KAT6A: variants seen among roughly 807,000 people sequenced by gnomAD.
The protein encoded by KAT6A is lysine acetyltransferase 6A.
Under a neutral mutation model 198.4 loss-of-function variants are expected in KAT6A, and 9 were observed. The observed-to-expected ratio is 0.05, with a 90% CI of 0.03 to 0.08. The LOEUF (loss-of-function observed/expected upper bound fraction) is 0.08, where lower values mean the gene tolerates loss of function less well. Ranked by LOEUF, KAT6A falls within the 10% of genes least tolerant of loss-of-function variation. The pLI is 1.00. For synonymous variants in KAT6A, 890 were observed against 883.0 expected (o/e 1.01, Z -0.14); for missense variants, 2,077 against 2,509.9 (o/e 0.83, Z 3.69).
chr8:41,943,143 GT>G (rs1480812119), intron 13 of KAT6A, 143 bp from the exon 14 acceptor site: 1 of 1,082,414 alleles, frequency 9.2e-7, no homozygotes, highest in Non-Finnish European at 1.3e-6. Context: ...ATGCAGAAAT[GT>G]GCCACCACAT....
intron 9 of KAT6A, among the ~76,000 whole-genome samples, chr8:41,952,581 TATAATC>T (rs1296285773): frequency 6.6e-6 from 1 of 152,218 alleles, no homozygotes; most frequent in Non-Finnish European, 1.5e-5. Flanking sequence ...TTCCGTAAAG[TATAATC>T]CCACTTCCCA....
intron 7 of KAT6A, among the ~76,000 whole-genome samples, chr8:41,976,452 T>C (rs1302411399): frequency 6.6e-6 from 1 of 152,234 alleles, no homozygotes; most frequent in Non-Finnish European, 1.5e-5. Flanking sequence ...TTAGGGAACT[T>C]AGCCTGATAC....
chr8:41,933,009 C>T lies in KAT6A; in HGVS notation c.5211G>A (p.Gly1737=), dbSNP rs754012944. The change falls in exon 17 of 17, where the codon GGG becomes GGA. Residue 1737 remains glycine, a synonymous_variant. Transcript: ENST00000265713. The surrounding 1 kb of genome is among the most constrained non-coding windows in gnomAD (Gnocchi z 6.2). The part of the protein sequence containing the change: ...GNISIYERIP[G]DFGAGSYSQP... ...GAGAGTAGCTGCCGGCACCAAAATC[C>T]CCTGGAATCCTCTCATAGATACTTA... The T allele has an allele frequency of 4.6e-5, 75 of 1,613,998 alleles. No homozygotes were observed. The highest frequency in any genetic ancestry group is 5.7e-5 in the Non-Finnish European group (67 of 1,180,024).
chr8:41,980,281 A>G (rs143105254), intron 5 of KAT6A, among the ~76,000 whole-genome samples: 2 of 152,312 alleles, frequency 1.3e-5, no homozygotes, highest in African/African-American at 4.8e-5. Context: ...ATGAACAGGA[A>G]TCAAAAGAAA....
At chr8:41,963,401 T>C (rs1367728079) in intron 8 of KAT6A, among the ~76,000 whole-genome samples, 1 of 152,200 alleles carries the variant, frequency 6.6e-6, no homozygotes, top group African/African-American at 2.4e-5. Context: ...TCTTTTCCTA[T>C]ATTCCTACAT....
intron 2 of KAT6A, among the ~76,000 whole-genome samples, chr8:42,034,150 G>A (rs1437539393): frequency 1.3e-5 from 2 of 152,154 alleles, no homozygotes; most frequent in Non-Finnish European, 2.9e-5. Context: ...GAAAAATATA[G>A]GGGCAAGGGA....
intron 9 of KAT6A, among the ~76,000 whole-genome samples, 182 bp from the exon 10 acceptor site, chr8:41,949,545 CTT>C (rs562251710): frequency 2.5e-4 from 38 of 152,068 alleles, no homozygotes; most frequent in African/African-American, 8.9e-4. Flanking sequence ...ATTACTGTAT[CTT>C]GTCTCATATT....
intron 2 of KAT6A, among the ~76,000 whole-genome samples, chr8:42,031,969 G>A (rs1385650879): frequency 8.0e-5 from 12 of 149,510 alleles, no homozygotes; most frequent in East Asian, 3.9e-4. Flanking sequence ...TCACTCTATC[G>A]CCCAGGCTAG....
intron 16 of KAT6A, 66 bp downstream of exon 16, chr8:41,937,190 C>G: frequency 8.0e-7 from 1 of 1,255,834 alleles, no homozygotes; most frequent in Non-Finnish European, 1.1e-6. Context: ...ACTGAAGGGT[C>G]TGTCACTGCT....
intron 2 of KAT6A, among the ~76,000 whole-genome samples, chr8:42,027,470 GTGTT>G (rs1826877680): frequency 6.6e-6 from 1 of 152,076 alleles, no homozygotes; most frequent in African/African-American, 2.4e-5. Flanking sequence ...TGATTCAATT[GTGTT>G]ACTCATTATT....
intron 1 of KAT6A, among the ~76,000 whole-genome samples, chr8:42,051,266 G>A (rs1166622819): frequency 1.3e-5 from 2 of 151,564 alleles, no homozygotes; most frequent in South Asian, 2.1e-4. Context: ...CTCGGCGGCT[G>A]GGCTGACAGC....
intron 8 of KAT6A, among the ~76,000 whole-genome samples, chr8:41,968,376 G>T (rs1392336386): frequency 6.6e-6 from 1 of 152,196 alleles, no homozygotes; most frequent in Admixed American, 6.5e-5. Flanking sequence ...ATGAAAAAAT[G>T]CTCACCATCA....
chr8:42,016,360 T>A (rs1400221534), intron 2 of KAT6A, among the ~76,000 whole-genome samples: 1 of 152,242 alleles, frequency 6.6e-6, no homozygotes, highest in Non-Finnish European at 1.5e-5. Flanking sequence ...ATATAAAAAT[T>A]AATAGCAAAG....
At chr8:42,001,465 T>A (rs935486815) in intron 2 of KAT6A, among the ~76,000 whole-genome samples, 2 of 152,220 alleles carry the variant, frequency 1.3e-5, no homozygotes, top group South Asian at 4.1e-4. Context: ...AAAGGCAACA[T>A]GGTCAAGGGA....
In KAT6A at chr8:41,934,255, C is replaced by A; in HGVS notation, c.3965G>T (p.Gly1322Val). The A allele has an allele frequency of 6.2e-7, 1 of 1,614,124 alleles. No individual in the cohort carries two copies. The change falls in exon 17 of 17, where the codon GGC becomes GTC. Residue 1322 changes from glycine to valine, a missense_variant. Physicochemically the swap from Gly to Val is moderately radical, Grantham distance 109 (BLOSUM62 -3). This residue lies in a region of KAT6A where 375 missense variants were observed against 383.0 expected (regional missense o/e 0.98). Coordinates refer to ENST00000265713, the MANE Select transcript of KAT6A (RefSeq NM_006766.5). ...DDHDADDEDD[G>V]HLESTKKKEL... ...CTTTTTCTTTGTGGACTCCAGGTGG[C>A]CATCATCCTCATCATCAGCGTCGTG...
intron 2 of KAT6A, among the ~76,000 whole-genome samples, chr8:42,048,130 T>A (rs1222393425): frequency 1.3e-5 from 2 of 152,156 alleles, no homozygotes; most frequent in African/African-American, 2.4e-5. Flanking sequence ...CACTTTTTCA[T>A]TGTAATGTAA....
intron 2 of KAT6A, among the ~76,000 whole-genome samples, chr8:42,024,017 T>C (rs1196671662): frequency 6.6e-6 from 1 of 152,134 alleles, no homozygotes; most frequent in Admixed American, 6.6e-5. Context: ...CAATGCCTTC[T>C]TTTGGAATAC....
intron 2 of KAT6A, among the ~76,000 whole-genome samples, chr8:42,038,033 C>A (rs1260500224): frequency 1.3e-5 from 2 of 152,164 alleles, no homozygotes; most frequent in Admixed American, 6.5e-5. Context: ...TTGGTCCACC[C>A]ATATTTAATG....
Position 41,932,836 on chromosome 8 carries a change from G to C in KAT6A, c.5384C>G (p.Ala1795Gly). Residue 1795 changes from alanine (A) to glycine (G), a missense_variant, in exon 17 of 17, where the codon GCT (alanine) becomes GGT (glycine). Coordinates refer to ENST00000265713, the MANE Select transcript of KAT6A (RefSeq NM_006766.5). ...SLSNTGLAQL[A>G]PSHPLAGTPQ... Reference sequence around the variant, plus strand: ...AGTCCCAGCTAAGGGATGAGATGGAGCCAGCTGAGCCAGTCCTGTATTGGA... The same window carrying C: ...AGTCCCAGCTAAGGGATGAGATGGACCCAGCTGAGCCAGTCCTGTATTGGA... 1 of 1,614,180 alleles carries C rather than the reference G, an allele frequency of 6.2e-7. No homozygotes were observed. Among genetic ancestry groups the C allele is most frequent in the Non-Finnish European group, 8.5e-7 (1 of 1,180,012 alleles).
Sources: allele counts gnomAD v4.1 joint callset (sites outside exome capture counted in the v4.1 genomes callset), GRCh38; gene constraint gnomAD v4.1.1; regional missense constraint gnomAD v4.1.1; non-coding constraint Gnocchi (gnomAD v3.1); transcripts MANE v1.5; gene names NCBI Gene and HGNC (gene_info 2026-07-23, HGNC 2026-07-21).